PCDH15: variants seen among roughly 807,000 people sequenced by gnomAD.
PCDH15 encodes protocadherin-15.
Under a neutral mutation model 178.5 loss-of-function variants are expected in PCDH15, and 129 were observed. The ratio of observed to expected loss-of-function variants is 0.72; its 90% CI spans 0.63 to 0.84. The LOEUF (loss-of-function observed/expected upper bound fraction) is 0.84, where lower values mean the gene tolerates loss of function less well. PCDH15 is among the 40% of genes least tolerant of loss of function. The pLI, the probability that PCDH15 is intolerant of heterozygous loss-of-function variation, is 0.00. For synonymous variants in PCDH15, 800 were observed against 732.0 expected, an observed-to-expected ratio of 1.09 and a Z score of -1.50; for missense variants, 2,230 against 2,099.9, an observed-to-expected ratio of 1.06 and a Z score of -1.21.
intron 2 of PCDH15, among the ~76,000 whole-genome samples, chr10:55,596,185 A>G (rs1842931870): frequency 6.6e-6 from 1 of 152,274 alleles, no homozygotes; most frequent in Non-Finnish European, 1.5e-5. Context: ...AAAAATAATA[A>G]AATTAAAAAT....
At chr10:55,414,849 A>G (rs1425889875) in intron 2 of PCDH15, among the ~76,000 whole-genome samples, 2 of 149,610 alleles carry the variant, frequency 1.3e-5, no homozygotes, top group Non-Finnish European at 3.0e-5. Flanking sequence ...TTTTCTACAT[A>G]TAAGATTATG....
Position 55,317,723 on chromosome 10 carries a change from A to AG in PCDH15, c.-156+1875_-156+1876insC, listed in dbSNP as rs1390717367. ...TGCAAAACCCAGCTTAAAACAGAAA[A>AG]AAAAAAACAGAATAGAAAATCCTCA... On this transcript the variant is annotated intron_variant, in intron 1 of 5. Coordinates refer to the PCDH15 transcript ENST00000458638. Among the ~76,000 whole-genome samples the AG allele has an allele frequency of 5.2e-3, 787 of 152,160 alleles. 13 individuals carry two copies. Among genetic ancestry groups the AG allele is most frequent in the African/African-American group, 0.018 (743 of 41,536 alleles).
chr10:55,568,237 G>C (rs1207733667), intron 2 of PCDH15, among the ~76,000 whole-genome samples: 1 of 151,988 alleles, frequency 6.6e-6, no homozygotes, highest in South Asian at 2.1e-4. Context: ...TAAGAAGGGA[G>C]GAAATGCTAA....
chr10:54,216,044 G>GAAAAAAAAAA (rs10648282), intron 9 of PCDH15, among the ~76,000 whole-genome samples: 2 of 70,390 alleles, frequency 2.8e-5, no homozygotes, highest in Admixed American at 2.3e-4. Context: ...CTCCGTCTCA[G>GAAAAAAAAAA]AAAAAAAAAA....
In PCDH15 at chr10:55,158,078, G is replaced by GTGTGTGTGTGTGTA. The variant is rs1335196401; in HGVS notation, c.-80+8497_-80+8498insTACACACACACACA. ...CACACAAATATGTGTGTATGTGTGTGTATATATATATATATATATACACAT... is the reference window on the plus strand; with the variant it reads ...CACACAAATATGTGTGTATGTGTGTGTGTGTGTGTGTGTATATATATATATATATATATACACAT... On this transcript the variant is annotated intron_variant, in intron 2 of 5. Coordinates refer to the PCDH15 transcript ENST00000458638. 3.3e-4 allele frequency among the ~76,000 whole-genome samples: 39 copies of GTGTGTGTGTGTGTA among 117,172 alleles called. No homozygotes were observed. The South Asian group carries it at 7.4e-3, about 22-fold the overall frequency. 76.9% of individuals were successfully genotyped at this position (117,172 alleles called of 152,430 possible).
intron 2 of PCDH15, among the ~76,000 whole-genome samples, chr10:55,407,601 C>A (rs1433930178): frequency 1.3e-5 from 2 of 152,092 alleles, no homozygotes; most frequent in Non-Finnish European, 2.9e-5. Context: ...GGGAAAAGAT[C>A]TGATGCATCA....
intron 18 of PCDH15, among the ~76,000 whole-genome samples, chr10:54,061,777 A>G (rs984749611): frequency 3.3e-5 from 5 of 151,340 alleles, no homozygotes; most frequent in African/African-American, 1.2e-4. Flanking sequence ...AAGGTATAAT[A>G]TGATACCTTG....
At chr10:54,197,526 A>G (rs1564657247) in intron 10 of PCDH15, among the ~76,000 whole-genome samples, 1 of 152,128 alleles carries the variant, frequency 6.6e-6, no homozygotes, top group African/African-American at 2.4e-5. Flanking sequence ...GTATTTTTAA[A>G]TCAATTAAAA....
chr10:54,788,714 T>C (rs1201474469), intron 1 of PCDH15, among the ~76,000 whole-genome samples: 1 of 151,720 alleles, frequency 6.6e-6, no homozygotes, highest in African/African-American at 2.4e-5. Context: ...GATTCTAAGA[T>C]GGGGGAAAAG....
intron 1 of PCDH15, among the ~76,000 whole-genome samples, chr10:54,684,160 G>A (rs2094951403): frequency 6.6e-6 from 1 of 151,802 alleles, no homozygotes; most frequent in African/African-American, 2.4e-5. Context: ...TTGTCCTTCA[G>A]ATATACTCAA....
chr10:54,504,955 C>A (rs2081042856), intron 3 of PCDH15, among the ~76,000 whole-genome samples: 1 of 152,020 alleles, frequency 6.6e-6, no homozygotes, highest in Admixed American at 6.6e-5. Context: ...ATACTGCAGA[C>A]TTTTTCAAAT....
intron 23 of PCDH15, among the ~76,000 whole-genome samples, chr10:53,945,630 A>G (rs765306233): frequency 5.9e-5 from 9 of 151,684 alleles, no homozygotes; most frequent in Non-Finnish European, 8.8e-5. Context: ...GCTGTTTTAG[A>G]TTCCATATAT....
At chr10:55,581,666 T>C (rs1842616808) in intron 2 of PCDH15, among the ~76,000 whole-genome samples, 1 of 152,112 alleles carries the variant, frequency 6.6e-6, no homozygotes, top group Non-Finnish European at 1.5e-5. Flanking sequence ...CCTTGATGTA[T>C]TAAGGTATAT....
intron 1 of PCDH15, among the ~76,000 whole-genome samples, chr10:54,680,927 G>C (rs2094888586): frequency 6.6e-6 from 1 of 152,134 alleles, no homozygotes; most frequent in Non-Finnish European, 1.5e-5. Context: ...AAGATTGCTA[G>C]GGTATTAAAG....
chr10:53,882,633 G>C (rs1209619687), intron 26 of PCDH15, among the ~76,000 whole-genome samples: 1 of 152,146 alleles, frequency 6.6e-6, no homozygotes, highest in Non-Finnish European at 1.5e-5. Context: ...AAAGTGCTGG[G>C]ATTACAGGTG....
At chr10:54,285,543 A>T (rs1276774981) in intron 8 of PCDH15, among the ~76,000 whole-genome samples, 1 of 152,142 alleles carries the variant, frequency 6.6e-6, no homozygotes, top group African/African-American at 2.4e-5. Context: ...TCCCAATTCG[A>T]ATATTATCAA....
intron 2 of PCDH15, among the ~76,000 whole-genome samples, chr10:55,411,371 A>G (rs1213112526): frequency 2.0e-5 from 3 of 152,122 alleles, no homozygotes; most frequent in African/African-American, 7.2e-5. Context: ...TAAAATTAAC[A>G]AATATTATTA....
At chr10:54,404,656 T>C (rs908076844) in intron 3 of PCDH15, among the ~76,000 whole-genome samples, 1 of 152,070 alleles carries the variant, frequency 6.6e-6, no homozygotes, top group African/African-American at 2.4e-5. Context: ...AAACGGGATC[T>C]AATTAAGCTA....
rs1841086075 is a variant in PCDH15, at chr10:53,805,376, G to A, written c.*1203C>T. On this transcript the variant is annotated 3_prime_UTR_variant, in exon 38 of 38. Transcript: ENST00000644397. Reference sequence around the variant, plus strand: ...CATCTGGAAAATAAGCAACACACAAGGCAAGTTTTTTAAAGGATATTCTGT... The same window carrying A: ...CATCTGGAAAATAAGCAACACACAAAGCAAGTTTTTTAAAGGATATTCTGT... 6.6e-6 allele frequency: 1 copy of A among 151,918 alleles called. No individual in the cohort carries two copies. Among genetic ancestry groups the A allele is most frequent in the African/African-American group, 2.4e-5 (1 of 41,386 alleles). 9.4% of individuals were successfully genotyped at this position (151,918 alleles called of 1,614,324 possible).
Sources: gnomAD v4.1 joint callset for allele counts (sites outside exome capture counted in the v4.1 genomes callset) on GRCh38, gnomAD v4.1.1 for gene constraint, MANE v1.5 for transcripts, NCBI Gene and HGNC (gene_info 2026-07-23, HGNC 2026-07-21) for gene names.